ERCC8: variants seen among roughly 807,000 people sequenced by gnomAD.
ERCC8 encodes ERCC excision repair 8, CSA ubiquitin ligase complex subunit, also known as DNA excision repair protein ERCC-8.
ERCC8 carries 52 observed loss-of-function variants against 54.9 expected under a neutral mutation model. The ratio of observed to expected loss-of-function variants is 0.95; its 90% CI spans 0.76 to 1.19. The LOEUF (loss-of-function observed/expected upper bound fraction) is 1.19, where lower values mean the gene tolerates loss of function less well. ERCC8 is among the 50% of genes most tolerant of loss of function. The pLI is 0.00. For missense variants in ERCC8, 514 were observed against 466.1 expected (o/e 1.10, Z -0.95); for synonymous variants, 146 against 157.2 (o/e 0.93, Z 0.53).
chr5:60,926,169 A>G (rs1181936109), intron 2 of ERCC8, among the ~76,000 whole-genome samples: 3 of 152,142 alleles, frequency 2.0e-5, no homozygotes, highest in African/African-American at 7.2e-5. Flanking sequence ...TTTTGGCACT[A>G]CATTCACTGA....
intron 4 of ERCC8, among the ~76,000 whole-genome samples, chr5:60,913,172 A>G (rs1749322070): frequency 6.6e-6 from 1 of 152,144 alleles, no homozygotes; most frequent in Non-Finnish European, 1.5e-5. Flanking sequence ...GAATGGTACC[A>G]GCTCCTCTTT....
intron 1 of ERCC8, 110 bp from the exon 2 acceptor site, chr5:60,929,069 T>G (rs182069373): frequency 7.3e-5 from 51 of 696,290 alleles, no homozygotes; most frequent in African/African-American, 1.3e-4. Flanking sequence ...TGTCTAAATC[T>G]TCTACCACAC....
At chr5:60,875,530 A>C (rs1747971619) in intron 11 of ERCC8, among the ~76,000 whole-genome samples, 1 of 152,224 alleles carries the variant, frequency 6.6e-6, no homozygotes, top group South Asian at 2.1e-4. Context: ...AAGGGCTTTA[A>C]GATGGTCTCA....
At chr5:60,908,843 C>T (rs978975342) in intron 4 of ERCC8, among the ~76,000 whole-genome samples, 7 of 152,094 alleles carry the variant, frequency 4.6e-5, no homozygotes, top group African/African-American at 1.7e-4. Flanking sequence ...GTCACTGCAG[C>T]TACGCCAGCA....
chr5:60,876,522 C>T (rs529350262), intron 11 of ERCC8, among the ~76,000 whole-genome samples: 1 of 152,294 alleles, frequency 6.6e-6, no homozygotes, highest in East Asian at 1.9e-4. Context: ...CCTATTTCTC[C>T]ACATCCTCTC....
At chr5:60,905,976 G>A (rs1168812309) in intron 4 of ERCC8, among the ~76,000 whole-genome samples, 1 of 152,140 alleles carries the variant, frequency 6.6e-6, no homozygotes, top group Non-Finnish European at 1.5e-5. Context: ...CCACTTCTGG[G>A]TGGGGCCACA....
chr5:60,943,474 T>G (rs1017744626), intron 1 of ERCC8, among the ~76,000 whole-genome samples: 1 of 152,208 alleles, frequency 6.6e-6, no homozygotes, highest in African/African-American at 2.4e-5. Flanking sequence ...TTTGCAATTT[T>G]ACTTCTTTCA....
chr5:60,934,613 G>A lies in ERCC8; in HGVS notation c.78-5654C>T, dbSNP rs576078323. 9.2e-4 allele frequency among the ~76,000 whole-genome samples: 140 copies of A among 152,196 alleles called. 1 individual carries two copies. Among genetic ancestry groups the A allele is most frequent in the African/African-American group, 3.3e-3 (136 of 41,526 alleles). On this transcript the variant is annotated intron_variant, in intron 1 of 11. Coordinates refer to ENST00000676185, the MANE Select transcript of ERCC8 (RefSeq NM_000082.4). ...TTTGTTTTTGTCGTGTTTGCTTTTC[G>A]GTTCTTGGTCATGAAGTCTTTGCCT...
chr5:60,940,958 TG>T (rs1166005052), intron 1 of ERCC8, among the ~76,000 whole-genome samples: 1 of 152,180 alleles, frequency 6.6e-6, no homozygotes, highest in Non-Finnish European at 1.5e-5. Flanking sequence ...AAGCCAAAGC[TG>T]AGATGACACA....
intron 9 of ERCC8, among the ~76,000 whole-genome samples, 186 bp downstream of exon 9, chr5:60,898,090 T>C (rs1748769739): frequency 6.6e-6 from 1 of 152,156 alleles, no homozygotes; most frequent in African/African-American, 2.4e-5. Flanking sequence ...AGGGAGAATG[T>C]GGTAGGTAGT....
chr5:60,916,546 T>C (rs545058825), intron 4 of ERCC8, among the ~76,000 whole-genome samples: 2 of 152,156 alleles, frequency 1.3e-5, no homozygotes, highest in East Asian at 3.9e-4. Flanking sequence ...TCCATTATAG[T>C]CAGAAGTGAA....
intron 1 of ERCC8, among the ~76,000 whole-genome samples, chr5:60,939,130 T>A (rs939114220): frequency 6.6e-6 from 1 of 152,222 alleles, no homozygotes; most frequent in African/African-American, 2.4e-5. Context: ...TGTCATGGTT[T>A]CTTCTTTTAC....
intron 2 of ERCC8, among the ~76,000 whole-genome samples, chr5:60,925,219 T>C (rs1377270697): frequency 2.6e-5 from 4 of 152,226 alleles, no homozygotes; most frequent in Non-Finnish European, 5.9e-5. Flanking sequence ...AAAATTTTTT[T>C]TGGGGGGTAA....
At chr5:60,892,717 T>TG (rs953737142) in intron 9 of ERCC8, 1 of 691,518 alleles carries the variant, frequency 1.4e-6, no homozygotes, top group African/African-American at 1.8e-5. Context: ...TTATGCAGGA[T>TG]GGTGCCCACC....
intron 2 of ERCC8, among the ~76,000 whole-genome samples, chr5:60,927,386 C>A (rs1749779070): frequency 6.6e-6 from 1 of 152,134 alleles, no homozygotes; most frequent in African/African-American, 2.4e-5. Context: ...GGGGTTAATG[C>A]AAAATACAAG....
rs553472064 is a variant in ERCC8 at position 60,943,040 on chromosome 5, G to A, written c.77+1892C>T. ...AATCCCGGCACTTTAGGAGGCAAAGGCAGGAGGATCACTTCAGCCCAGGAG... is the reference window on the plus strand; with the variant it reads ...AATCCCGGCACTTTAGGAGGCAAAGACAGGAGGATCACTTCAGCCCAGGAG... On this transcript the variant is annotated intron_variant, in intron 1 of 11. Transcript: ENST00000676185. 4.7e-5 allele frequency among the ~76,000 whole-genome samples: 7 copies of A among 148,326 alleles called. No homozygotes were observed. The South Asian group carries it at 1.5e-3, about 31-fold the overall frequency.
intron 3 of ERCC8, among the ~76,000 whole-genome samples, chr5:60,918,980 A>G (rs946947049): frequency 3.3e-5 from 5 of 152,046 alleles, no homozygotes; most frequent in Admixed American, 2.6e-4. Flanking sequence ...TGAGGGTGGT[A>G]TGCTGTCCTG....
chr5:60,922,825 G>A (rs914387209), intron 2 of ERCC8, among the ~76,000 whole-genome samples: 6 of 152,104 alleles, frequency 3.9e-5, no homozygotes, highest in African/African-American at 1.4e-4. Context: ...ATCCAATAGG[G>A]AAAACAAGTA....
At chr5:60,903,806 C>A in intron 5 of ERCC8, 90 bp from the exon 6 acceptor site, 1 of 1,267,432 alleles carries the variant, frequency 7.9e-7, no homozygotes, top group Admixed American at 1.8e-5. Flanking sequence ...ATGACATTTT[C>A]ACTGTATCCA....
Sources: allele counts gnomAD v4.1 joint callset (sites outside exome capture counted in the v4.1 genomes callset), GRCh38; gene constraint gnomAD v4.1.1; transcripts MANE v1.5; gene names NCBI Gene and HGNC (gene_info 2026-07-23, HGNC 2026-07-21).